Variants in ZCWPW2 observed in about 807,000 individuals in gnomAD.
ZCWPW2 encodes the protein zinc finger CW-type PWWP domain protein 2.
ZCWPW2 carries 45 observed loss-of-function variants against 46.6 expected under a neutral mutation model. The ratio of observed to expected loss-of-function variants is 0.96; its 90% confidence interval spans 0.76 to 1.24. The LOEUF is 1.24. Among genes scored for constraint, ZCWPW2 ranks in the 50% most tolerant of loss-of-function variants. ZCWPW2 has a pLI of 0.00. For missense variants in ZCWPW2, 429 were observed against 403.9 expected (o/e 1.06, Z -0.53); for synonymous variants, 152 against 137.1 (o/e 1.11, Z -0.76).
At chr3:28,436,103 T>G (rs1414203646) in intron 4 of ZCWPW2, among the ~76,000 whole-genome samples, 1 of 152,100 alleles carries the variant, frequency 6.6e-6, no homozygotes, top group Non-Finnish European at 1.5e-5. Flanking sequence ...TGCTATTACT[T>G]TTGCACCAAC....
At chr3:28,506,280 A>C (rs1398561457) in intron 6 of ZCWPW2, among the ~76,000 whole-genome samples, 1 of 151,858 alleles carries the variant, frequency 6.6e-6, no homozygotes, top group African/African-American at 2.4e-5. Flanking sequence ...AGTGCCTCAA[A>C]AACTTTAATT....
At chr3:28,506,642 G>A (rs189533673) in intron 6 of ZCWPW2, among the ~76,000 whole-genome samples, 2 of 152,126 alleles carry the variant, frequency 1.3e-5, no homozygotes. Flanking sequence ...AGATCATCTT[G>A]GAGATGGTCC....
intron 5 of ZCWPW2, among the ~76,000 whole-genome samples, chr3:28,489,156 C>G (rs1488233506): frequency 1.3e-5 from 2 of 152,066 alleles, no homozygotes; most frequent in African/African-American, 4.8e-5. Context: ...TATATTTTGA[C>G]AGGAAACATA....
At chr3:28,426,375 TGGTAACTACTTCA>T (rs537498819) in intron 3 of ZCWPW2, among the ~76,000 whole-genome samples, 292 of 152,040 alleles carry the variant, frequency 1.9e-3, no homozygotes, top group African/African-American at 6.6e-3. Flanking sequence ...GGCTCTGTTA[TGGTAACTACTTCA>T]GGAATGTTTA....
In ZCWPW2 at chr3:28,524,663, T is replaced by G. The variant is rs756295786; in HGVS notation, c.1046T>G (p.Ile349Arg). ...GATATAACTAATAAATTTAAAGAAA[T>G]AGATGCTTTGATGTCTGAGTTTTAG... ...IEDITNKFKE[I>R]DALMSEF The change falls in exon 10 of 10, where the codon ATA (isoleucine) becomes AGA (arginine). Residue 349 changes from isoleucine (I) to arginine (R), a missense_variant. Coordinates refer to ENST00000383768, the MANE Select transcript of ZCWPW2 (RefSeq NM_001040432.4). 1 of 1,562,186 alleles carries G rather than the reference T, an allele frequency of 6.4e-7. No individual in the cohort carries two copies. The highest frequency in any genetic ancestry group is 8.7e-7 in the Non-Finnish European group (1 of 1,153,860).
At chr3:28,407,006 TG>T (rs1205418788) in intron 2 of ZCWPW2, among the ~76,000 whole-genome samples, 8 of 152,016 alleles carry the variant, frequency 5.3e-5, no homozygotes, top group African/African-American at 1.9e-4. Context: ...TAATTATTTT[TG>T]GTAGGGATTG....
intron 2 of ZCWPW2, among the ~76,000 whole-genome samples, chr3:28,401,549 A>G (rs1165617797): frequency 6.6e-6 from 1 of 152,198 alleles, no homozygotes; most frequent in East Asian, 1.9e-4. Flanking sequence ...GTCAACAAAG[A>G]AACAATGGTT....
Position 28,521,460 on chromosome 3 carries a change from C to A in ZCWPW2, c.909+344C>A, listed in dbSNP as rs142847362. On this transcript the variant is annotated intron_variant, in intron 9 of 9. Transcript: ENST00000383768. ...CAATCTTTACAGTCAGGAGAGGGGG[C>A]CAGGATACCAAGAGCTCACTGGAAA... Among the ~76,000 whole-genome samples, 99 of 152,220 alleles carry A rather than the reference C, an allele frequency of 6.5e-4. 1 individual carries two copies. In the East Asian group the frequency reaches 0.017, roughly 26 times the overall value.
rs573417049 is a variant in ZCWPW2, at chr3:28,365,796, A to G, written c.-134+16593A>G. On this transcript the variant is annotated intron_variant, in intron 1 of 9. Transcript: ENST00000383768. Reference sequence around the variant, plus strand: ...ACCCATGAGCATGGAATGTTCTTCCATTTGTTTGTATCCTCTTTTATTTCG... The same window carrying G: ...ACCCATGAGCATGGAATGTTCTTCCGTTTGTTTGTATCCTCTTTTATTTCG... Among the ~76,000 whole-genome samples the G allele has an allele frequency of 3.5e-5, 5 of 141,024 alleles. No homozygotes were observed. The South Asian group carries it at 1.1e-3, about 32-fold the overall frequency. 92.5% of individuals were successfully genotyped at this position (141,024 alleles called of 152,430 possible).
At chr3:28,522,961 G>C (rs1018412983) in intron 9 of ZCWPW2, among the ~76,000 whole-genome samples, 2 of 152,132 alleles carry the variant, frequency 1.3e-5, no homozygotes, top group African/African-American at 2.4e-5. Context: ...AATACAGCCA[G>C]ATTGATCTTT....
At chr3:28,349,546 A>G (rs2125681081) in intron 1 of ZCWPW2, among the ~76,000 whole-genome samples, 1 of 152,296 alleles carries the variant, frequency 6.6e-6, no homozygotes, top group African/African-American at 2.4e-5. Flanking sequence ...AATGAGAGAC[A>G]GGGAGAAGAT....
intron 1 of ZCWPW2, among the ~76,000 whole-genome samples, chr3:28,353,059 T>G (rs914909326): frequency 6.6e-6 from 1 of 152,018 alleles, no homozygotes; most frequent in African/African-American, 2.4e-5. Flanking sequence ...GGCTCACTCC[T>G]GTAGTCCCAG....
intron 2 of ZCWPW2, among the ~76,000 whole-genome samples, chr3:28,409,122 CTTTTTTTTT>C (rs11328735): frequency 1.2e-5 from 1 of 82,326 alleles, no homozygotes; most frequent in Non-Finnish European, 2.2e-5. Context: ...TTTTCTTTTT[CTTTTTTTTT>C]TTTTTTTTTT....
chr3:28,432,376 C>T (rs1223405692), intron 3 of ZCWPW2, among the ~76,000 whole-genome samples: 3 of 152,122 alleles, frequency 2.0e-5, no homozygotes, highest in Non-Finnish European at 4.4e-5. Context: ...CTAAATGGGA[C>T]TTTACAGTGC....
chr3:28,421,128 A>C (rs1033462834), intron 3 of ZCWPW2, among the ~76,000 whole-genome samples: 7 of 152,152 alleles, frequency 4.6e-5, no homozygotes, highest in African/African-American at 1.7e-4. Flanking sequence ...TGGGAGTAAG[A>C]GTCAAGGTTC....
chr3:28,506,737 A>C (rs781414912), intron 6 of ZCWPW2, among the ~76,000 whole-genome samples: 2 of 152,084 alleles, frequency 1.3e-5, no homozygotes, highest in African/African-American at 4.8e-5. Context: ...CATTTGTGAT[A>C]ATTTGTTACA....
intron 6 of ZCWPW2, among the ~76,000 whole-genome samples, chr3:28,493,283 A>G (rs1014987762): frequency 2.6e-5 from 3 of 117,052 alleles, no homozygotes; most frequent in Admixed American, 1.7e-4. Flanking sequence ...ATATCTCCCA[A>G]TGCTATCCCT....
intron 6 of ZCWPW2, among the ~76,000 whole-genome samples, chr3:28,494,668 T>C (rs1699927019): frequency 1.4e-5 from 2 of 140,744 alleles, no homozygotes; most frequent in South Asian, 4.9e-4. Flanking sequence ...TGATTGTTTA[T>C]CTAGAAAACC....
At chr3:28,500,459 C>T (rs779237663) in intron 6 of ZCWPW2, among the ~76,000 whole-genome samples, 45 of 151,726 alleles carry the variant, frequency 3.0e-4, no homozygotes, top group Non-Finnish European at 6.0e-4. Context: ...TTTTGTTTAC[C>T]TACAGAAATT....
Sources: allele counts gnomAD v4.1 joint callset (sites outside exome capture counted in the v4.1 genomes callset), GRCh38; gene constraint gnomAD v4.1.1; transcripts MANE v1.5; gene names NCBI Gene and HGNC (gene_info 2026-07-23, HGNC 2026-07-21).